The following GALNT2 variants were observed in gnomAD, a reference collection of about 807,000 sequenced individuals.
The protein encoded by GALNT2 is polypeptide N-acetylgalactosaminyltransferase 2.
A neutral mutation model predicts 81.4 loss-of-function variants in GALNT2; 31 were observed. That is an observed-to-expected ratio of 0.38 (90% CI 0.29 to 0.51). The LOEUF is 0.51. Among genes scored for constraint, GALNT2 ranks in the 20% least tolerant of loss-of-function variants. GALNT2 has a pLI of 0.87. For missense variants in GALNT2, 629 were observed against 765.7 expected (o/e 0.82, Z 2.11); for synonymous variants, 303 against 287.4 (o/e 1.05, Z -0.55).
chr1:230,236,704 C>T lies in GALNT2; in HGVS notation c.586C>T (p.Leu196Phe), dbSNP rs1200412234. ...GGGGAAAATTGAGAAAGTGCGAGTT[C>T]TTAGAAATGATCGACGAGAAGGTAA... is the stretch of plus-strand genomic sequence containing the variant. The part of the protein sequence containing the change: ...LLGKIEKVRV[L>F]RNDRREGLMR... Residue 196 changes from leucine (L) to phenylalanine (F), a missense_variant, in exon 6 of 16, where the codon CTT becomes TTT. Leu to Phe is a conservative substitution (Grantham distance 22). This residue lies in a region of GALNT2 where 360 missense variants were observed against 492.8 expected (regional missense o/e 0.73). Transcript: ENST00000366672. The T allele has an allele frequency of 1.2e-6, 2 of 1,613,426 alleles. No individual in the cohort carries two copies. Among genetic ancestry groups the T allele is most frequent in the African/African-American group, 2.7e-5 (2 of 74,840 alleles).
At chr1:230,103,242 C>T (rs1660451325) in intron 1 of GALNT2, among the ~76,000 whole-genome samples, 1 of 152,100 alleles carries the variant, frequency 6.6e-6, no homozygotes, top group Non-Finnish European at 1.5e-5. Context: ...GTCCAAAATC[C>T]CCGTAATAGA....
At chr1:230,157,705 T>G (rs368890957) in intron 1 of GALNT2, among the ~76,000 whole-genome samples, 90 of 152,204 alleles carry the variant, frequency 5.9e-4, no homozygotes, top group African/African-American at 2.1e-3. Context: ...TCTCTGTACA[T>G]TATGTGCATT....
rs574214912 is a variant in GALNT2, at chr1:230,271,171, T to C, written c.1441-3274T>C. ...TGTACCACAGTTTCACACATCCTGG[T>C]GGTGTCCCCAGCCCCTGTGAGTGCA... On this transcript the variant is annotated intron_variant, in intron 14 of 15. Coordinates refer to ENST00000366672, the MANE Select transcript of GALNT2 (RefSeq NM_004481.5). The surrounding 1 kb of genome is among the most constrained non-coding windows in gnomAD (Gnocchi z 4.2). Among the ~76,000 whole-genome samples the C allele has an allele frequency of 3.3e-5, 5 of 152,322 alleles. No individual in the cohort carries two copies. In the South Asian group the frequency reaches 1.0e-3, roughly 32 times the overall value.
At chr1:230,184,191 C>CTTT (rs112931942) in intron 2 of GALNT2, among the ~76,000 whole-genome samples, 2 of 139,222 alleles carry the variant, frequency 1.4e-5, no homozygotes, top group Non-Finnish European at 3.1e-5. Flanking sequence ...GAAGATCAAT[C>CTTT]TTTTTTTTTT....
chr1:230,262,985 A>G lies in GALNT2; in HGVS notation c.1293A>G (p.Glu431=). 2 of 1,614,144 alleles carry G rather than the reference A, an allele frequency of 1.2e-6. No individual in the cohort carries two copies. The highest frequency in any genetic ancestry group is 1.7e-6 in the Non-Finnish European group (2 of 1,179,962). Residue 431 remains glutamate (E), a synonymous_variant, in exon 13 of 16, where the codon GAA becomes GAG. Coordinates refer to ENST00000366672, the MANE Select transcript of GALNT2 (RefSeq NM_004481.5). ...LSCKPFKWYL[E]NVYPELRVPD... is the part of the protein sequence containing the mutation. The stretch of plus-strand genomic sequence containing the variant: ...GCAAGCCTTTCAAATGGTACCTTGA[A>G]AATGTCTATCCAGAGTTAAGGTAAG...
At chr1:230,276,249 C>T (rs139071904) in intron 15 of GALNT2, among the ~76,000 whole-genome samples, 125 of 152,166 alleles carry the variant, frequency 8.2e-4, no homozygotes, top group African/African-American at 2.9e-3. Flanking sequence ...TTTTCTCTGA[C>T]GTATTCCCTT....
chr1:230,184,191 CT>C (rs112931942), intron 2 of GALNT2, among the ~76,000 whole-genome samples: 15,362 of 139,062 alleles, frequency 0.11, 1,876 homozygotes, highest in African/African-American at 0.32. Flanking sequence ...GAAGATCAAT[CT>C]TTTTTTTTTT....
rs564102221 is a variant in GALNT2 at position 230,089,320 on chromosome 1, C to T, written c.126+21914C>T. Among the ~76,000 whole-genome samples, 97 of 150,592 alleles carry T rather than the reference C, an allele frequency of 6.4e-4. 1 individual carries two copies. The South Asian group carries it at 9.5e-3, about 15-fold the overall frequency. ...CACCACCATGCCCGGCTGTTTTTTG[C>T]GTGTGTGTGTGTGTGTTTTTAGTGG... On this transcript the variant is annotated intron_variant, in intron 1 of 15. Transcript: ENST00000366672.
intron 6 of GALNT2, among the ~76,000 whole-genome samples, chr1:230,240,034 AC>A (rs1483044137): frequency 1.3e-5 from 2 of 152,176 alleles, no homozygotes; most frequent in Non-Finnish European, 2.9e-5. Context: ...TTACATTTTT[AC>A]TTCAAATAGT....
rs573659280 is a variant in GALNT2, at chr1:230,154,290, T to C, written c.127-23928T>C. Among the ~76,000 whole-genome samples the C allele has an allele frequency of 1.4e-4, 22 of 152,378 alleles. No homozygotes were observed. In the South Asian group the frequency reaches 4.3e-3, roughly 30 times the overall value. On this transcript the variant is annotated intron_variant, in intron 1 of 15. Coordinates refer to ENST00000366672, the MANE Select transcript of GALNT2 (RefSeq NM_004481.5). ...TTCTCCACGTGGGCCACATTCTTAC[T>C]AGAAAAGAAACCCCGGCCCTTTAGC...
intron 1 of GALNT2, among the ~76,000 whole-genome samples, chr1:230,148,737 C>T (rs1247996400): frequency 2.6e-5 from 4 of 152,008 alleles, no homozygotes; most frequent in African/African-American, 9.7e-5. Context: ...CAGGTGTGCA[C>T]CACTATGCCC....
chr1:230,203,382 TA>T (rs1663968003), intron 3 of GALNT2, 92 bp downstream of exon 3: 18 of 1,401,792 alleles, frequency 1.3e-5, no homozygotes, highest in Non-Finnish European at 1.8e-5. Flanking sequence ...ACTTCTCCAT[TA>T]CTCTGGGAAA....
chr1:230,274,938 A>T (rs1666245395), intron 15 of GALNT2, among the ~76,000 whole-genome samples: 2 of 151,836 alleles, frequency 1.3e-5, no homozygotes, highest in African/African-American at 4.8e-5. Context: ...TATATATGTG[A>T]GCATATATAT....
At chr1:230,096,461 C>T (rs1040971143) in intron 1 of GALNT2, among the ~76,000 whole-genome samples, 1 of 152,156 alleles carries the variant, frequency 6.6e-6, no homozygotes, top group Non-Finnish European at 1.5e-5. Context: ...TCTCCCTCGT[C>T]CATCTCGTTC....
intron 11 of GALNT2, among the ~76,000 whole-genome samples, chr1:230,256,379 G>A (rs1173026298): frequency 6.6e-6 from 1 of 151,682 alleles, no homozygotes; most frequent in South Asian, 2.1e-4. Flanking sequence ...TCGGGAGGTG[G>A]AGTTTGCAGT....
At chr1:230,120,242 A>G (rs1351659208) in intron 1 of GALNT2, among the ~76,000 whole-genome samples, 1 of 152,144 alleles carries the variant, frequency 6.6e-6, no homozygotes, top group East Asian at 1.9e-4. Context: ...TTGTAAGGTT[A>G]CATAGTAACA....
Position 230,262,794 on chromosome 1 carries a change from G to A in GALNT2, c.1230-128G>A, listed in dbSNP as rs1665918493. The A allele has an allele frequency of 5.4e-6, 7 of 1,291,262 alleles. No individual in the cohort carries two copies. In the East Asian group the frequency reaches 1.6e-4, roughly 30 times the overall value. 80.0% of individuals were successfully genotyped at this position (1,291,262 alleles called of 1,614,324 possible). On this transcript the variant is annotated intron_variant, in intron 12 of 15. Transcript: ENST00000366672. ...AAGGCGGGAAGGGGTTGTGGGCACA[G>A]GAGCATGGGCAGTCCACACCACACC...
intron 1 of GALNT2, among the ~76,000 whole-genome samples, chr1:230,076,310 C>A (rs1290427735): frequency 6.6e-6 from 1 of 152,168 alleles, no homozygotes; most frequent in Non-Finnish European, 1.5e-5. Flanking sequence ...TTGTTAGGTG[C>A]ACCATTGAAG....
intron 11 of GALNT2, 137 bp from the exon 12 acceptor site, chr1:230,262,436 T>C (rs1665905856): frequency 2.8e-6 from 2 of 705,284 alleles, no homozygotes; most frequent in Non-Finnish European, 2.5e-6. Flanking sequence ...CACCCTCTGC[T>C]GTGTGCCGTG....
Sources: gnomAD v4.1 joint callset for allele counts (sites outside exome capture counted in the v4.1 genomes callset) on GRCh38, gnomAD v4.1.1 for gene constraint, gnomAD v4.1.1 regional missense constraint, Gnocchi (gnomAD v3.1) non-coding constraint, MANE v1.5 for transcripts, NCBI Gene and HGNC (gene_info 2026-07-23, HGNC 2026-07-21) for gene names.